NR6A1: variants seen among roughly 807,000 people sequenced by gnomAD.
NR6A1 encodes the protein retinoic acid receptor-related testis-associated receptor.
In NR6A1, 7 loss-of-function variants were observed where a neutral mutation model predicts 59.1. The observed-to-expected ratio is 0.12, with a 90% CI of 0.07 to 0.22. The LOEUF (loss-of-function observed/expected upper bound fraction) is 0.22. Ranked by LOEUF, NR6A1 falls within the 10% of genes least tolerant of loss-of-function variation. The probability of loss-of-function intolerance (pLI) is 1.00; values close to 1 mark genes in which losing one functional copy is unlikely to be tolerated. For missense variants in NR6A1, 468 were observed against 611.6 expected, an observed-to-expected ratio of 0.77 and a Z score of 2.48; for synonymous variants, 243 against 236.1, an observed-to-expected ratio of 1.03 and a Z score of -0.27.
chr9:124,576,369 C>G (rs1356917143), intron 2 of NR6A1, among the ~76,000 whole-genome samples: 1 of 152,192 alleles, frequency 6.6e-6, no homozygotes, highest in African/African-American at 2.4e-5. Context: ...CTCACTGCAA[C>G]TTCCACCTCC....
intron 2 of NR6A1, among the ~76,000 whole-genome samples, chr9:124,611,642 G>T (rs549964353): frequency 6.6e-6 from 1 of 151,972 alleles, no homozygotes; most frequent in Non-Finnish European, 1.5e-5. Context: ...CTAGCTATGT[G>T]GGGGGCTGAG....
chr9:124,695,170 G>A (rs1307328443), intron 2 of NR6A1, among the ~76,000 whole-genome samples: 1 of 152,140 alleles, frequency 6.6e-6, no homozygotes, highest in Non-Finnish European at 1.5e-5. Context: ...CCACTATTCT[G>A]CTGAGTGCAG....
intron 2 of NR6A1, among the ~76,000 whole-genome samples, chr9:124,646,699 T>A (rs1836939868): frequency 6.6e-6 from 1 of 152,182 alleles, no homozygotes; most frequent in African/African-American, 2.4e-5. Flanking sequence ...TTTCATGTTT[T>A]AAGAAAGTTT....
At chr9:124,724,698 C>T (rs1235995444) in intron 2 of NR6A1, among the ~76,000 whole-genome samples, 5 of 152,146 alleles carry the variant, frequency 3.3e-5, no homozygotes, top group African/African-American at 1.2e-4. Context: ...AACAGTATTT[C>T]TGAAATAGAT....
intron 2 of NR6A1, among the ~76,000 whole-genome samples, chr9:124,564,162 T>C (rs569470706): frequency 1.9e-4 from 29 of 152,330 alleles, no homozygotes; most frequent in Non-Finnish European, 2.9e-4. Context: ...AAGTCTTTGA[T>C]ATAATTCAAC....
Position 124,585,367 on chromosome 9 carries a change from C to T in NR6A1, c.143-30797G>A, listed in dbSNP as rs957686400. 7.2e-4 allele frequency among the ~76,000 whole-genome samples: 109 copies of T among 151,920 alleles called. 3 individuals are homozygous for T. The highest frequency in any genetic ancestry group is 1.7e-3 in the South Asian group (8 of 4,792). On this transcript the variant is annotated intron_variant, in intron 2 of 9. Transcript: ENST00000487099. ...CATCCTGGCTAACACGGTGAAACCC[C>T]GTCTCTACTAAAAATACAAAAACAA... is the stretch of plus-strand genomic sequence containing the variant.
At chr9:124,525,701 A>C (rs60464580) in intron 8 of NR6A1, among the ~76,000 whole-genome samples, 1,912 of 148,128 alleles carry the variant, frequency 0.013, 12 homozygotes, top group East Asian at 0.031. Flanking sequence ...CTCTCTCTCT[A>C]TATATATATA....
chr9:124,579,404 A>C (rs1319275320), intron 2 of NR6A1, among the ~76,000 whole-genome samples: 5 of 152,158 alleles, frequency 3.3e-5, no homozygotes, highest in Non-Finnish European at 7.3e-5. Flanking sequence ...TTTAAAACTT[A>C]GCCAAGTGTG....
At chr9:124,601,240 C>T (rs1029203788) in intron 2 of NR6A1, among the ~76,000 whole-genome samples, 4 of 151,962 alleles carry the variant, frequency 2.6e-5, no homozygotes, top group African/African-American at 9.7e-5. Context: ...CACGCCACTG[C>T]ACTCTAACCT....
chr9:124,547,049 T>C (rs1833621739), intron 3 of NR6A1, among the ~76,000 whole-genome samples: 2 of 152,268 alleles, frequency 1.3e-5, no homozygotes, highest in Non-Finnish European at 2.9e-5. Flanking sequence ...AAAATCTATT[T>C]GGCAGTGATT....
chr9:124,522,571 A>T lies in NR6A1; in HGVS notation c.*134T>A. 1.8e-6 allele frequency: 1 copy of T among 566,722 alleles called. No homozygotes were observed. The highest frequency in any genetic ancestry group is 3.1e-6 in the Non-Finnish European group (1 of 323,724). 35.1% of individuals were successfully genotyped at this position (566,722 alleles called of 1,614,324 possible). ...TAAAAAAACAGACAAACAAACAAAA[A>T]CTCTTCTTGCTATGGAGGCAACGGG... is the stretch of plus-strand genomic sequence containing the variant. On this transcript the variant is annotated 3_prime_UTR_variant, in exon 10 of 10. Coordinates refer to ENST00000487099, the MANE Select transcript of NR6A1 (RefSeq NM_033334.4).
At chr9:124,543,717 G>C (rs1833513974) in intron 4 of NR6A1, 85 bp downstream of exon 4, 5 of 1,018,168 alleles carry the variant, frequency 4.9e-6, no homozygotes, top group Non-Finnish European at 5.8e-6. Context: ...AGCAGCAGAT[G>C]AAAGAGTCAA....
intron 2 of NR6A1, among the ~76,000 whole-genome samples, chr9:124,571,769 T>A (rs558219336): frequency 1.3e-5 from 2 of 151,826 alleles, no homozygotes; most frequent in Admixed American, 1.3e-4. Flanking sequence ...GGGCTGAGAG[T>A]AGTTCCTGTG....
chr9:124,635,903 T>C (rs765443008), intron 2 of NR6A1, among the ~76,000 whole-genome samples: 4 of 152,258 alleles, frequency 2.6e-5, no homozygotes, highest in Non-Finnish European at 5.9e-5. Context: ...CTAGATCATA[T>C]GGTAAGAGTA....
chr9:124,574,289 T>C (rs952188222), intron 2 of NR6A1, among the ~76,000 whole-genome samples: 3 of 152,316 alleles, frequency 2.0e-5, no homozygotes, highest in African/African-American at 7.2e-5. Flanking sequence ...AGTTTCAAGA[T>C]ACTTCCCAGA....
chr9:124,558,157 G>A, intron 2 of NR6A1, among the ~76,000 whole-genome samples: 1 of 152,150 alleles, frequency 6.6e-6, no homozygotes, highest in East Asian at 1.9e-4. Context: ...ATGGCATTCT[G>A]TGCAGCATCT....
At chr9:124,579,871 A>T (rs940719269) in intron 2 of NR6A1, among the ~76,000 whole-genome samples, 10 of 151,994 alleles carry the variant, frequency 6.6e-5, no homozygotes, top group African/African-American at 1.5e-4. Flanking sequence ...TTAGCTGGGC[A>T]TGGTGGCGCG....
intron 2 of NR6A1, among the ~76,000 whole-genome samples, chr9:124,609,865 A>G (rs1199857896): frequency 6.6e-6 from 1 of 152,024 alleles, no homozygotes; most frequent in African/African-American, 2.4e-5. Flanking sequence ...TATTCTCTTC[A>G]TAGTAATTGT....
intron 2 of NR6A1, among the ~76,000 whole-genome samples, chr9:124,626,119 C>T (rs920097499): frequency 2.6e-5 from 4 of 152,202 alleles, no homozygotes; most frequent in East Asian, 1.9e-4. Context: ...AATTCTCCTG[C>T]GTCAGCCTTC....
Sources: gnomAD v4.1 joint callset for allele counts (sites outside exome capture counted in the v4.1 genomes callset) on GRCh38, gnomAD v4.1.1 for gene constraint, MANE v1.5 for transcripts, NCBI Gene and HGNC (gene_info 2026-07-23, HGNC 2026-07-21) for gene names.